Variants in ALX1 observed in about 807,000 individuals in gnomAD.
ALX1 encodes ALX homeobox protein 1.
ALX1 carries 19 observed loss-of-function variants against 31.7 expected under a neutral mutation model. The observed-to-expected ratio is 0.60, with a 90% confidence interval of 0.42 to 0.88. ALX1 has a LOEUF of 0.88. ALX1 is among the 40% of genes least tolerant of loss of function. The probability of loss-of-function intolerance (pLI) is 0.00; values close to 1 mark genes in which losing one functional copy is unlikely to be tolerated. For missense variants in ALX1, 415 were observed against 407.8 expected, an observed-to-expected ratio of 1.02 and a Z score of -0.15; for synonymous variants, 153 against 148.8, an observed-to-expected ratio of 1.03 and a Z score of -0.20.
chr12:85,286,247 T>G (rs769041684), intron 2 of ALX1, among the ~76,000 whole-genome samples: 13 of 151,956 alleles, frequency 8.6e-5, no homozygotes, highest in Non-Finnish European at 1.8e-4. Flanking sequence ...CTTGTCATGC[T>G]TATTATAATA....
At chr12:85,283,461 A>C in intron 1 of ALX1, 111 bp from the exon 2 acceptor site, 1 of 1,098,364 alleles carries the variant, frequency 9.1e-7, no homozygotes, top group Non-Finnish European at 1.4e-6. Context: ...CTAGCACAAT[A>C]AATTATTAAT....
At chr12:85,294,615 G>A (rs1315228849) in intron 3 of ALX1, among the ~76,000 whole-genome samples, 1 of 151,074 alleles carries the variant, frequency 6.6e-6, no homozygotes, top group Non-Finnish European at 1.5e-5. Flanking sequence ...AATGAAAAAT[G>A]TAAACACATT....
chr12:85,287,173 C>A (rs1896759494), intron 3 of ALX1, among the ~76,000 whole-genome samples, 192 bp downstream of exon 3: 1 of 151,770 alleles, frequency 6.6e-6, no homozygotes, highest in African/African-American at 2.4e-5. Flanking sequence ...CTTACAGAGT[C>A]ATTCATTTAA....
rs1450877264 is a variant in ALX1, at chr12:85,286,970, A to T, written c.649A>T (p.Ser217Cys). 1 of 1,612,108 alleles carries T rather than the reference A, an allele frequency of 6.2e-7. No homozygotes were observed. The change falls in exon 3 of 4, where the codon AGC becomes TGC. Residue 217 changes from serine to cysteine, a missense_variant. This residue lies in a region of ALX1 where 174 missense variants were observed against 177.5 expected (regional missense o/e 0.98). Coordinates refer to ENST00000316824, the MANE Select transcript of ALX1 (RefSeq NM_006982.3). ...TATATCAGTTTTGCCAAGGACTGAC[A>T]GCTACCCACAGGTATGCTAAACTAC... is the stretch of plus-strand genomic sequence containing the variant. ...YDISVLPRTD[S>C]YPQIQNNLWA...
chr12:85,288,689 G>T (rs1333531303), intron 3 of ALX1, among the ~76,000 whole-genome samples: 2 of 151,540 alleles, frequency 1.3e-5, no homozygotes, highest in Admixed American at 6.6e-5. Context: ...TGTGCTAGGT[G>T]TTACTAATTG....
intron 3 of ALX1, among the ~76,000 whole-genome samples, chr12:85,295,554 A>G (rs890769002): frequency 6.6e-6 from 1 of 151,602 alleles, no homozygotes; most frequent in African/African-American, 2.4e-5. Flanking sequence ...GCCAAAGAGG[A>G]AAACCAAATC....
At chr12:85,282,515 T>TG (rs11304530) in intron 1 of ALX1, among the ~76,000 whole-genome samples, 1 of 152,124 alleles carries the variant, frequency 6.6e-6, no homozygotes, top group African/African-American at 2.4e-5. Flanking sequence ...AAATACATTA[T>TG]GGGGGTAATT....
intron 3 of ALX1, among the ~76,000 whole-genome samples, chr12:85,295,362 G>A (rs954247819): frequency 4.0e-5 from 6 of 151,408 alleles, no homozygotes; most frequent in Non-Finnish European, 8.9e-5. Flanking sequence ...AATGTTACAG[G>A]AATATACTAG....
At chr12:85,290,724 A>C (rs1896807368) in intron 3 of ALX1, among the ~76,000 whole-genome samples, 1 of 151,014 alleles carries the variant, frequency 6.6e-6, no homozygotes, top group African/African-American at 2.4e-5. Context: ...ATTTTTCCTC[A>C]AGAGTTAACG....
At chr12:85,295,970 A>G (rs754233551) in intron 3 of ALX1, among the ~76,000 whole-genome samples, 54 of 151,770 alleles carry the variant, frequency 3.6e-4, no homozygotes, top group Admixed American at 1.1e-3. Context: ...TAGCACTAAT[A>G]TTAGGATATT....
At chr12:85,292,430 T>C (rs1321554859) in intron 3 of ALX1, among the ~76,000 whole-genome samples, 2 of 151,102 alleles carry the variant, frequency 1.3e-5, no homozygotes, top group Non-Finnish European at 3.0e-5. Flanking sequence ...GTGAAAACTA[T>C]CTCTAAATCT....
In ALX1 at chr12:85,301,312, G is replaced by T; in HGVS notation, c.818G>T (p.Ser273Ile). 6.2e-7 allele frequency: 1 copy of T among 1,613,978 alleles called. No individual in the cohort carries two copies. The change falls in exon 4 of 4, where the codon AGC (serine) becomes ATC (isoleucine). Residue 273 changes from serine (S) to isoleucine (I), a missense_variant. By Grantham distance (142) the Ser-to-Ile change is moderately radical. Around this residue, in one of 3 missense-constraint regions of ALX1, gnomAD observed 174 missense variants for 177.5 expected, o/e 0.98. Coordinates refer to ENST00000316824, the MANE Select transcript of ALX1 (RefSeq NM_006982.3). The part of the protein sequence containing the change: ...TGFSNHQNQF[S>I]HVPLNNFFTD... ...TTTTCAAACCACCAGAACCAGTTCAGCCACGTGCCCCTCAACAATTTTTTC... is the reference window on the plus strand; with the variant it reads ...TTTTCAAACCACCAGAACCAGTTCATCCACGTGCCCCTCAACAATTTTTTC...
chr12:85,281,444 G>A (rs1189990595), intron 1 of ALX1, among the ~76,000 whole-genome samples: 1 of 152,080 alleles, frequency 6.6e-6, no homozygotes, highest in Non-Finnish European at 1.5e-5. Context: ...AGCTATAAGG[G>A]GCGGGTTGCT....
chr12:85,283,632 T>C lies in ALX1; in HGVS notation c.287T>C (p.Met96Thr). 6.2e-7 allele frequency: 1 copy of C among 1,614,152 alleles called. No individual in the cohort carries two copies. The highest frequency in any genetic ancestry group is 8.5e-7 in the Non-Finnish European group (1 of 1,180,012). The change falls in exon 2 of 4, where the codon ATG becomes ACG. Residue 96 changes from methionine (M) to threonine (T), a missense_variant. Met to Thr is a moderately conservative substitution (Grantham distance 81). Around this residue, in one of 3 missense-constraint regions of ALX1, gnomAD observed 235 missense variants for 208.9 expected, o/e 1.13. Transcript: ENST00000316824. Reference sequence around the variant, plus strand: ...CTTCACACCGAACTGAATAGAGCTATGGACAACTGTAACAGTCTCCGAATG... The same window carrying C: ...CTTCACACCGAACTGAATAGAGCTACGGACAACTGTAACAGTCTCCGAATG... ...QPLHTELNRA[M>T]DNCNSLRMSP...
chr12:85,283,605 C>T lies in ALX1; in HGVS notation c.260C>T (p.Pro87Leu). 1 of 1,614,072 alleles carries T rather than the reference C, an allele frequency of 6.2e-7. No individual in the cohort carries two copies. Among genetic ancestry groups the T allele is most frequent in the Non-Finnish European group, 8.5e-7 (1 of 1,179,994 alleles). Reference sequence around the variant, plus strand: ...GGGATCACTAAAGTAGAAGGACAGCCCCTTCACACCGAACTGAATAGAGCT... The same window carrying T: ...GGGATCACTAAAGTAGAAGGACAGCTCCTTCACACCGAACTGAATAGAGCT... ...NYGITKVEGQ[P>L]LHTELNRAMD... Residue 87 changes from proline (P) to leucine (L), a missense_variant, in exon 2 of 4, where the codon CCC (proline) becomes CTC (leucine). Physicochemically the swap from Pro to Leu is moderately conservative, Grantham distance 98. This residue lies in a region of ALX1 where 235 missense variants were observed against 208.9 expected (regional missense o/e 1.13). Coordinates refer to ENST00000316824, the MANE Select transcript of ALX1 (RefSeq NM_006982.3).
intron 2 of ALX1, among the ~76,000 whole-genome samples, chr12:85,285,159 G>A (rs1896733168): frequency 6.6e-6 from 1 of 152,016 alleles, no homozygotes; most frequent in Non-Finnish European, 1.5e-5. Flanking sequence ...AAACAAATAT[G>A]TTTGCACACA....
chr12:85,284,357 C>G lies in ALX1; in HGVS notation c.531+481C>G, dbSNP rs1038803989. Reference sequence around the variant, plus strand: ...GAGGCATAATAAAAAAAAAAACAATCCCACAAATTCCCAATTGTTATGTAT... The same window carrying G: ...GAGGCATAATAAAAAAAAAAACAATGCCACAAATTCCCAATTGTTATGTAT... On this transcript the variant is annotated intron_variant, in intron 2 of 3. Coordinates refer to ENST00000316824, the MANE Select transcript of ALX1 (RefSeq NM_006982.3). Among the ~76,000 whole-genome samples the G allele has an allele frequency of 2.0e-5, 3 of 149,830 alleles. No homozygotes were observed. The South Asian group carries it at 6.3e-4, about 31-fold the overall frequency.
At chr12:85,281,420 A>G (rs762051555) in intron 1 of ALX1, among the ~76,000 whole-genome samples, 22 of 152,216 alleles carry the variant, frequency 1.4e-4, no homozygotes, top group Non-Finnish European at 2.6e-4. Context: ...ATCATTGTAT[A>G]TATTCCACAG....
At chr12:85,289,488 A>G (rs918677748) in intron 3 of ALX1, among the ~76,000 whole-genome samples, 2 of 151,270 alleles carry the variant, frequency 1.3e-5, no homozygotes, top group Admixed American at 1.3e-4. Context: ...AAATTAATTT[A>G]AAAAATTTCC....
Sources: allele counts gnomAD v4.1 joint callset (sites outside exome capture counted in the v4.1 genomes callset), GRCh38; gene constraint gnomAD v4.1.1; regional missense constraint gnomAD v4.1.1; transcripts MANE v1.5; gene names NCBI Gene and HGNC (gene_info 2026-07-23, HGNC 2026-07-21).